The following CUBN variants were observed in gnomAD, a reference collection of about 807,000 sequenced individuals.
CUBN encodes cubilin.
In CUBN, 282 loss-of-function variants were observed where a neutral mutation model predicts 405.3. That is an observed-to-expected ratio of 0.70 (90% CI 0.63 to 0.77). The LOEUF is 0.77. Among genes scored for constraint, CUBN ranks in the 30% least tolerant of loss-of-function variants. The pLI, the probability that CUBN is intolerant of heterozygous loss-of-function variation, is 0.00. For missense variants in CUBN, 4,514 were observed against 4,475.2 expected (o/e 1.01, Z -0.25); for synonymous variants, 1,684 against 1,617.0 (o/e 1.04, Z -0.99).
intron 17 of CUBN, among the ~76,000 whole-genome samples, chr10:17,076,557 T>C (rs948581196): frequency 1.6e-4 from 25 of 151,976 alleles, no homozygotes; most frequent in Non-Finnish European, 3.1e-4. Flanking sequence ...ACATAGTTAT[T>C]CACTTCCCTT....
At chr10:17,010,709 CT>C (rs1468826447) in intron 28 of CUBN, among the ~76,000 whole-genome samples, 1 of 152,190 alleles carries the variant, frequency 6.6e-6, no homozygotes, top group African/African-American at 2.4e-5. Context: ...CTTCTACAAG[CT>C]TAGTTATCAC....
intron 17 of CUBN, 129 bp downstream of exon 17, chr10:17,084,142 T>C (rs1251872750): frequency 1.1e-5 from 9 of 854,842 alleles, no homozygotes; most frequent in East Asian, 2.6e-5. Flanking sequence ...TTAGTTATTA[T>C]TGTATTTCTA....
At chr10:16,895,606 T>C (rs1338216266) in intron 54 of CUBN, among the ~76,000 whole-genome samples, 3 of 152,234 alleles carry the variant, frequency 2.0e-5, no homozygotes, top group African/African-American at 7.2e-5. Context: ...AGGATCATTA[T>C]GTCTTCCTGG....
At chr10:16,989,125 A>G (rs1470489741) in intron 29 of CUBN, among the ~76,000 whole-genome samples, 1 of 152,138 alleles carries the variant, frequency 6.6e-6, no homozygotes, top group East Asian at 1.9e-4. Context: ...GCCTCATGGA[A>G]TTTAGGTTCT....
At chr10:16,917,626 C>G (rs565195535) in intron 45 of CUBN, among the ~76,000 whole-genome samples, 92 of 152,096 alleles carry the variant, frequency 6.0e-4, no homozygotes, top group Non-Finnish European at 1.1e-3. Flanking sequence ...GCTGAAGAAA[C>G]AGGAGTTTGA....
Position 17,088,264 on chromosome 10 carries a change from C to A in CUBN, c.1847G>T (p.Cys616Phe). ...AGGACTAGTTACAACAATCCAGACA[C>A]AATCTCTTCCTGGGGGATAGTTTCC... Reference protein sequence around the residue: ...YPGNYPPGRDCVWIVVTSPDL... With the variant: ...YPGNYPPGRDFVWIVVTSPDL... The change falls in exon 15 of 67, where the codon TGT becomes TTT. Residue 616 changes from cysteine (C) to phenylalanine (F), a missense_variant. Physicochemically the swap from Cys to Phe is radical, Grantham distance 205. Coordinates refer to ENST00000377833, the MANE Select transcript of CUBN (RefSeq NM_001081.4). 6.2e-7 allele frequency: 1 copy of A among 1,613,714 alleles called. No individual in the cohort carries two copies. Among genetic ancestry groups the A allele is most frequent in the Non-Finnish European group, 8.5e-7 (1 of 1,179,646 alleles).
chr10:17,049,388 C>T (rs1458025912), intron 22 of CUBN, among the ~76,000 whole-genome samples: 1 of 152,208 alleles, frequency 6.6e-6, no homozygotes, highest in Non-Finnish European at 1.5e-5. Context: ...TGCTTACTCA[C>T]TGTACTCCTG....
intron 25 of CUBN, among the ~76,000 whole-genome samples, chr10:17,044,215 T>C: frequency 6.8e-6 from 1 of 146,826 alleles, no homozygotes; most frequent in Admixed American, 6.8e-5. Flanking sequence ...AACACATATG[T>C]TTATATTTGC....
intron 11 of CUBN, 144 bp downstream of exon 11, chr10:17,105,313 T>A (rs185293057): frequency 2.8e-6 from 2 of 726,262 alleles, no homozygotes; most frequent in South Asian, 1.5e-5. Flanking sequence ...TCATTATCTA[T>A]CTTTCATCTG....
chr10:17,043,962 T>C lies in CUBN; in HGVS notation c.3694A>G (p.Asn1232Asp). Residue 1232 changes from asparagine (N) to aspartate (D), a missense_variant, in exon 26 of 67, where the codon AAC (asparagine) becomes GAC (aspartate). By Grantham distance (23) the Asn-to-Asp change is conservative. Transcript: ENST00000377833. ...CAAAGCTGAGTTAGCAGATGAGAGTTGCTACTTGGGCCATCATATACCTTT... is the reference window on the plus strand; with the variant it reads ...CAAAGCTGAGTTAGCAGATGAGAGTCGCTACTTGGGCCATCATATACCTTT... ...YLAVYDGPSSNSHLLTQLCGD... is the reference protein window; with the variant it reads ...YLAVYDGPSSDSHLLTQLCGD... The C allele has an allele frequency of 6.2e-7, 1 of 1,613,452 alleles. No homozygotes were observed. Among genetic ancestry groups the C allele is most frequent in the South Asian group, 1.1e-5 (1 of 91,074 alleles).
At chr10:17,030,157 A>G (rs1236337706) in intron 27 of CUBN, among the ~76,000 whole-genome samples, 1 of 152,212 alleles carries the variant, frequency 6.6e-6, no homozygotes, top group Non-Finnish European at 1.5e-5. Flanking sequence ...AACCAAGCTC[A>G]GGGCTCCCAC....
rs1369952361 is a variant in CUBN at position 17,105,495 on chromosome 10, T to C, written c.1192A>G (p.Ile398Val). The C allele has an allele frequency of 1.2e-6, 2 of 1,610,982 alleles. No homozygotes were observed. Among genetic ancestry groups the C allele is most frequent in the South Asian group, 2.2e-5 (2 of 91,036 alleles). The change falls in exon 11 of 67, where the codon ATT becomes GTT. Residue 398 changes from isoleucine (I) to valine (V), a missense_variant. This residue lies in a region of CUBN where 1,448 missense variants were observed against 1,388.0 expected (regional missense o/e 1.04). Transcript: ENST00000377833. ...TTTAGACAGGGGTGACTTAGGCAAA[T>C]ATTACTGAGCTGCACACATCCATTT... The part of the protein sequence containing the change: ...GPNGCVQLSN[I>V]CLSHPCLNGQ...
chr10:16,826,714 A>C (rs1188647168), intron 66 of CUBN, among the ~76,000 whole-genome samples: 2 of 152,230 alleles, frequency 1.3e-5, no homozygotes, highest in Non-Finnish European at 2.9e-5. Context: ...GCATTGGATT[A>C]AATGGCCGTC....
Position 16,855,120 on chromosome 10 carries a change from C to CCTTCCTTT in CUBN, c.9455-3678_9455-3677insAAAGGAAG, listed in dbSNP as rs1564387831. The stretch of plus-strand genomic sequence containing the variant: ...CCTTCCCTTCCTTCCTTCCTTCCTT[C>CCTTCCTTT]CTTTCTTCTAGATGAGGACTTGCTA... On this transcript the variant is annotated intron_variant, in intron 59 of 66. Transcript: ENST00000377833. Among the ~76,000 whole-genome samples the CCTTCCTTT allele has an allele frequency of 7.9e-5, 10 of 127,308 alleles. No individual in the cohort carries two copies. In the South Asian group the frequency reaches 1.5e-3, roughly 19 times the overall value. The allele number at this position is 127,308 out of a possible 152,430, so 83.5% of individuals were successfully genotyped here. A position where few individuals can be genotyped will look rare whatever the true frequency, so the allele number is the denominator to read the frequency against.
chr10:17,068,369 G>A, intron 20 of CUBN, 89 bp from the exon 21 acceptor site: 1 of 1,349,916 alleles, frequency 7.4e-7, no homozygotes. Flanking sequence ...CCTCTTCAAA[G>A]ATTAAAAGGA....
In CUBN at chr10:17,047,734, T is replaced by A. The variant is rs185147487; in HGVS notation, c.3140-131A>T. ...AATAAGCCATTCTGGAATGTGCAAA[T>A]AAAGACTTCATTCTGAAACAAAGTT... On this transcript the variant is annotated intron_variant, in intron 22 of 66. Transcript: ENST00000377833. The A allele has an allele frequency of 7.1e-4, 572 of 805,396 alleles. 12 individuals carry two copies. The East Asian group carries it at 0.011, about 16-fold the overall frequency. The allele number at this position is 805,396 out of a possible 1,614,324, so 49.9% of individuals were successfully genotyped here.
At chr10:16,946,417 G>A (rs1361769873) in intron 36 of CUBN, among the ~76,000 whole-genome samples, 1 of 150,254 alleles carries the variant, frequency 6.7e-6, no homozygotes, top group African/African-American at 2.5e-5. Context: ...GAATATGAAA[G>A]TGTTCTAAAA....
intron 6 of CUBN, among the ~76,000 whole-genome samples, chr10:17,117,084 A>T (rs1051982101): frequency 6.6e-6 from 1 of 152,210 alleles, no homozygotes; most frequent in Non-Finnish European, 1.5e-5. Flanking sequence ...GGAAAATAAC[A>T]ATAAATGATT....
At chr10:17,104,095 T>C (rs1392430754) in intron 12 of CUBN, among the ~76,000 whole-genome samples, 1 of 152,106 alleles carries the variant, frequency 6.6e-6, no homozygotes, top group Admixed American at 6.6e-5. Flanking sequence ...TCTAGGGAAA[T>C]TAAGTGGCTG....
Sources: allele counts gnomAD v4.1 joint callset (sites outside exome capture counted in the v4.1 genomes callset), GRCh38; gene constraint gnomAD v4.1.1; regional missense constraint gnomAD v4.1.1; transcripts MANE v1.5; gene names NCBI Gene and HGNC (gene_info 2026-07-23, HGNC 2026-07-21).